Variants in ST3GAL3 observed in about 807,000 individuals in gnomAD.
The protein encoded by ST3GAL3 is CMP-N-acetylneuraminate-beta-1,4-galactoside alpha-2,3-sialyltransferase.
Under a neutral mutation model 50.1 loss-of-function variants are expected in ST3GAL3, and 21 were observed. The observed-to-expected ratio is 0.42, with a 90% confidence interval of 0.30 to 0.60. ST3GAL3 has a LOEUF of 0.60. Ranked by LOEUF, ST3GAL3 falls within the 20% of genes least tolerant of loss-of-function variation. The pLI, the probability that ST3GAL3 is intolerant of heterozygous loss-of-function variation, is 0.19. For missense variants in ST3GAL3, 353 were observed against 489.4 expected (o/e 0.72, Z 2.63); for synonymous variants, 183 against 190.0 (o/e 0.96, Z 0.30).
chr1:43,752,253 C>G (rs1467294329), intron 2 of ST3GAL3, among the ~76,000 whole-genome samples: 2 of 152,174 alleles, frequency 1.3e-5, no homozygotes, highest in East Asian at 3.8e-4. Context: ...TGAGGCTCAA[C>G]AAGTTAATGC....
chr1:43,713,974 G>T (rs12745143), intron 1 of ST3GAL3, among the ~76,000 whole-genome samples: 1 of 152,154 alleles, frequency 6.6e-6, no homozygotes, highest in Non-Finnish European at 1.5e-5. Flanking sequence ...TGATAAGAAT[G>T]CCATACGGGC....
At chr1:43,760,494 G>A (rs1202602818) in intron 2 of ST3GAL3, among the ~76,000 whole-genome samples, 1 of 152,212 alleles carries the variant, frequency 6.6e-6, no homozygotes, top group Non-Finnish European at 1.5e-5. Flanking sequence ...AGTGGCTCAC[G>A]CCTGTAATCC....
Position 43,865,548 on chromosome 1 carries a change from A to G in ST3GAL3, c.302+27237A>G, listed in dbSNP as rs541059802. Among the ~76,000 whole-genome samples the G allele has an allele frequency of 4.6e-5, 7 of 152,308 alleles. No individual in the cohort carries two copies. In the South Asian group the frequency reaches 1.5e-3, roughly 32 times the overall value. On this transcript the variant is annotated intron_variant, in intron 5 of 11. Transcript: ENST00000347631. ...ATGCTGGGTACTAAGGATGAAAAGT[A>G]ATACATAATCCTTACCCCAGAACTT...
chr1:43,906,985 T>G (rs1159718519), intron 9 of ST3GAL3, among the ~76,000 whole-genome samples: 1 of 152,182 alleles, frequency 6.6e-6, no homozygotes, highest in Non-Finnish European at 1.5e-5. Context: ...TCTGACCACC[T>G]ACCTTCCTGG....
chr1:43,785,793 T>C (rs531326692), intron 2 of ST3GAL3, among the ~76,000 whole-genome samples: 1 of 152,238 alleles, frequency 6.6e-6, no homozygotes, highest in Non-Finnish European at 1.5e-5. Flanking sequence ...CCTATCTGCC[T>C]CTAGGTGGAT....
chr1:43,929,362 T>C (rs1266576681), intron 11 of ST3GAL3, among the ~76,000 whole-genome samples: 1 of 151,920 alleles, frequency 6.6e-6, no homozygotes, highest in Non-Finnish European at 1.5e-5. Context: ...TGGAGTGCAG[T>C]GGCGCGATCT....
chr1:43,749,920 G>A (rs534499043), intron 2 of ST3GAL3, among the ~76,000 whole-genome samples: 1 of 152,310 alleles, frequency 6.6e-6, no homozygotes, highest in Admixed American at 6.5e-5. Context: ...GTTTTAAGGT[G>A]CCCTCTTGGA....
At position 43,857,406 on chromosome 1, in the gene ST3GAL3, C is replaced by CA. The variant is rs893303350; in HGVS notation, c.302+19103dup. On this transcript the variant is annotated intron_variant, in intron 5 of 11. Transcript: ENST00000347631. ...ACCTGTGGTCTCAGCTATTTGTTAC[C>CA]AAAAAAAACCCAAAAAAACCAAACT... Among the ~76,000 whole-genome samples the CA allele has an allele frequency of 1.7e-4, 26 of 151,630 alleles. No homozygotes were observed. The East Asian group carries it at 1.9e-3, about 11-fold the overall frequency.
chr1:43,818,238 C>T (rs1181018537), intron 4 of ST3GAL3, among the ~76,000 whole-genome samples: 2 of 152,124 alleles, frequency 1.3e-5, no homozygotes, highest in Non-Finnish European at 2.9e-5. Context: ...CCCCAAAGGG[C>T]TCAGCATAAG....
chr1:43,731,260 G>A (rs1442282896), intron 1 of ST3GAL3, among the ~76,000 whole-genome samples: 1 of 152,006 alleles, frequency 6.6e-6, no homozygotes, highest in East Asian at 1.9e-4. Flanking sequence ...GCCCAGGCTT[G>A]GAGTGCAGTG....
At position 43,750,764 on chromosome 1, in the gene ST3GAL3, G is replaced by T. The variant is rs148081478; in HGVS notation, c.118+14384G>T. 8.6e-5 allele frequency among the ~76,000 whole-genome samples: 13 copies of T among 152,006 alleles called. No individual in the cohort carries two copies. In the East Asian group the frequency reaches 2.5e-3, roughly 29 times the overall value. On this transcript the variant is annotated intron_variant, in intron 2 of 11. Transcript: ENST00000347631. ...AAAAAAAAAATTAGCCCAGCGTGGT[G>T]GTGTGCACCTGTAGTCTCAGCTACT...
At chr1:43,720,480 G>C (rs955702443) in intron 1 of ST3GAL3, 1 of 152,298 alleles carries the variant, frequency 6.6e-6, no homozygotes, top group South Asian at 2.1e-4. Flanking sequence ...CAGTTTTGGA[G>C]GCTGGGTAGT....
At chr1:43,709,716 A>C (rs1354500265) in intron 1 of ST3GAL3, among the ~76,000 whole-genome samples, 1 of 151,842 alleles carries the variant, frequency 6.6e-6, no homozygotes, top group Non-Finnish European at 1.5e-5. Context: ...GCGTGGTGGC[A>C]GGCGCCTGTA....
intron 5 of ST3GAL3, among the ~76,000 whole-genome samples, chr1:43,885,126 C>T (rs2075758567): frequency 6.6e-6 from 1 of 152,178 alleles, no homozygotes; most frequent in Non-Finnish European, 1.5e-5. Context: ...CTTAGGAGGG[C>T]CCCAGGTTGC....
At chr1:43,883,650 T>C (rs1275133996) in intron 5 of ST3GAL3, among the ~76,000 whole-genome samples, 3 of 152,182 alleles carry the variant, frequency 2.0e-5, no homozygotes, top group African/African-American at 7.2e-5. Flanking sequence ...CCTCACACAT[T>C]GCTCCACCTG....
At chr1:43,719,934 G>GAAAAAAAAAAAAAAAAAAAAAAAAAA (rs148364295) in intron 1 of ST3GAL3, among the ~76,000 whole-genome samples, 3 of 41,704 alleles carry the variant, frequency 7.2e-5, no homozygotes, top group Non-Finnish European at 1.2e-4. Context: ...CTCTGTCTCA[G>GAAAAAAAAAAAAAAAAAAAAAAAAAA]AAAAAAAAAA....
intron 5 of ST3GAL3, among the ~76,000 whole-genome samples, chr1:43,882,693 T>A (rs2075342163): frequency 6.6e-6 from 1 of 152,210 alleles, no homozygotes; most frequent in Non-Finnish European, 1.5e-5. Flanking sequence ...AAGTCTCTAC[T>A]GTTGTAGGTC....
At chr1:43,897,240 C>A (rs803681) in intron 6 of ST3GAL3, among the ~76,000 whole-genome samples, 123,816 of 152,114 alleles carry the variant, frequency 0.81, 51,240 homozygotes, top group Non-Finnish European at 0.89. Flanking sequence ...ATCTTAGTGT[C>A]TGCACATCTT....
At chr1:43,924,922 A>G (rs900039552) in intron 11 of ST3GAL3, among the ~76,000 whole-genome samples, 1 of 152,094 alleles carries the variant, frequency 6.6e-6, no homozygotes, top group African/African-American at 2.4e-5. Flanking sequence ...TTGTCCCTCC[A>G]TTACATGTAA....
Sources: allele counts gnomAD v4.1 joint callset (sites outside exome capture counted in the v4.1 genomes callset), GRCh38; gene constraint gnomAD v4.1.1; transcripts MANE v1.5; gene names NCBI Gene and HGNC (gene_info 2026-07-23, HGNC 2026-07-21).